Variants in NDUFAF2 observed in about 807,000 individuals in gnomAD.
NDUFAF2 encodes NADH:ubiquinone oxidoreductase complex assembly factor 2.
Under a neutral mutation model 22.8 loss-of-function variants are expected in NDUFAF2, and 13 were observed. That is an observed-to-expected ratio of 0.57 (90% CI 0.37 to 0.91). The LOEUF (loss-of-function observed/expected upper bound fraction) is 0.91. NDUFAF2 is among the 40% of genes least tolerant of loss of function. The pLI is 0.01. For synonymous variants in NDUFAF2, 53 were observed against 64.2 expected, an observed-to-expected ratio of 0.83 and a Z score of 0.84; for missense variants, 162 against 195.2, an observed-to-expected ratio of 0.83 and a Z score of 1.01.
rs375175413 is a variant in NDUFAF2, at chr5:61,091,573, C to A, written c.218-7419C>A. 9.5e-4 allele frequency among the ~76,000 whole-genome samples: 145 copies of A among 152,156 alleles called. 1 individual carries two copies. The highest frequency in any genetic ancestry group is 5.4e-3 in the South Asian group (26 of 4,824). On this transcript the variant is annotated intron_variant, in intron 2 of 3. Coordinates refer to ENST00000296597, the MANE Select transcript of NDUFAF2 (RefSeq NM_174889.5). ...TTTCTTACAGATGCTGAATATTAGACCTTTGTCAGATGCATAGTTGGTAAA... is the reference window on the plus strand; with the variant it reads ...TTTCTTACAGATGCTGAATATTAGAACTTTGTCAGATGCATAGTTGGTAAA...
rs1396699234 is a variant in NDUFAF2, at chr5:61,099,307, G to A, written c.258+275G>A. 4.0e-5 allele frequency among the ~76,000 whole-genome samples: 6 copies of A among 151,442 alleles called. No homozygotes were observed. In the East Asian group the frequency reaches 1.2e-3, roughly 29 times the overall value. Reference sequence around the variant, plus strand: ...TAAAACAAAATTAAAACACTCTGTAGAAAGTCTGAACTTGGAGCAGTTTGC... The same window carrying A: ...TAAAACAAAATTAAAACACTCTGTAAAAAGTCTGAACTTGGAGCAGTTTGC... On this transcript the variant is annotated intron_variant, in intron 3 of 3. Transcript: ENST00000296597.
At chr5:60,993,639 C>T (rs1029255721) in intron 1 of NDUFAF2, among the ~76,000 whole-genome samples, 1 of 152,044 alleles carries the variant, frequency 6.6e-6, no homozygotes, top group Non-Finnish European at 1.5e-5. Context: ...TAGTTCCTCT[C>T]TGCGGGTGGT....
At chr5:61,074,425 A>G (rs1044357041) in intron 2 of NDUFAF2, among the ~76,000 whole-genome samples, 7 of 152,134 alleles carry the variant, frequency 4.6e-5, no homozygotes, top group Admixed American at 3.9e-4. Context: ...CGTCTCTACT[A>G]AAAATACAAA....
Position 61,108,813 on chromosome 5 carries a change from G to A in NDUFAF2, c.258+9781G>A, listed in dbSNP as rs529949700. 4.6e-5 allele frequency among the ~76,000 whole-genome samples: 7 copies of A among 152,142 alleles called. 1 individual carries two copies. The highest frequency in any genetic ancestry group is 1.4e-4 in the African/African-American group (6 of 41,520). The stretch of plus-strand genomic sequence containing the variant: ...CTGGATTCTCTAATCTATTCCATTG[G>A]CCTGTGTGTCTGTTTATATGCCAGT... On this transcript the variant is annotated intron_variant, in intron 3 of 3. Coordinates refer to ENST00000296597, the MANE Select transcript of NDUFAF2 (RefSeq NM_174889.5).
intron 1 of NDUFAF2, among the ~76,000 whole-genome samples, chr5:61,047,278 A>G (rs893423373): frequency 1.3e-5 from 2 of 152,188 alleles, no homozygotes; most frequent in Admixed American, 6.5e-5. Context: ...ATTTCATCCT[A>G]TGATCATATT....
chr5:61,011,699 G>A (rs1008870815), intron 1 of NDUFAF2, among the ~76,000 whole-genome samples: 9 of 151,946 alleles, frequency 5.9e-5, no homozygotes, highest in African/African-American at 2.2e-4. Context: ...CTAAGCAAAC[G>A]TTTCTATTGC....
intron 1 of NDUFAF2, among the ~76,000 whole-genome samples, chr5:61,056,312 T>TATAGTAGATAAACATA (rs1178375636): frequency 2.0e-5 from 3 of 152,210 alleles, no homozygotes; most frequent in Non-Finnish European, 2.9e-5. Flanking sequence ...TATTAGTGAC[T>TATAGTAGATAAACATA]GTAGTGTTTA....
chr5:60,987,966 G>T (rs189521452), intron 1 of NDUFAF2, among the ~76,000 whole-genome samples: 1 of 152,202 alleles, frequency 6.6e-6, no homozygotes, highest in Admixed American at 6.5e-5. Context: ...ACCCAAATAG[G>T]CAAAGAGGAA....
intron 1 of NDUFAF2, among the ~76,000 whole-genome samples, chr5:60,957,335 G>A (rs56306823): frequency 6.6e-6 from 1 of 151,992 alleles, no homozygotes; most frequent in Admixed American, 6.6e-5. Flanking sequence ...AAACATTTCA[G>A]TATGTATCTT....
intron 1 of NDUFAF2, among the ~76,000 whole-genome samples, chr5:60,967,828 C>T (rs1027401157): frequency 6.7e-6 from 1 of 149,596 alleles, no homozygotes; most frequent in Non-Finnish European, 1.5e-5. Context: ...CCCTTTCTGG[C>T]CTTGGTATCT....
At chr5:61,004,847 C>T (rs1751344683) in intron 1 of NDUFAF2, among the ~76,000 whole-genome samples, 1 of 152,096 alleles carries the variant, frequency 6.6e-6, no homozygotes. Context: ...AACTCTTAAT[C>T]CAGCAACTGG....
chr5:61,115,552 T>C (rs540060091), intron 3 of NDUFAF2: 4 of 152,160 alleles, frequency 2.6e-5, no homozygotes, highest in African/African-American at 9.7e-5. Context: ...TCTCCTCTTA[T>C]AGTATTCTTG....
intron 3 of NDUFAF2, among the ~76,000 whole-genome samples, chr5:61,134,598 A>G (rs1740882804): frequency 6.6e-6 from 1 of 152,196 alleles, no homozygotes; most frequent in Admixed American, 6.5e-5. Flanking sequence ...AGGCAGGAGA[A>G]TGGCATGAAC....
At chr5:60,948,612 T>C (rs1361663343) in intron 1 of NDUFAF2, among the ~76,000 whole-genome samples, 1 of 152,086 alleles carries the variant, frequency 6.6e-6, no homozygotes, top group Non-Finnish European at 1.5e-5. Context: ...GATTCATCCA[T>C]GTTTTTGTGT....
intron 1 of NDUFAF2, among the ~76,000 whole-genome samples, chr5:60,947,993 CA>C (rs1197410778): frequency 1.3e-5 from 2 of 151,476 alleles, no homozygotes; most frequent in Non-Finnish European, 2.9e-5. Context: ...GTATAATTGA[CA>C]AAAAAAATTG....
At chr5:61,005,757 T>A (rs1012520022) in intron 1 of NDUFAF2, among the ~76,000 whole-genome samples, 2 of 152,226 alleles carry the variant, frequency 1.3e-5, no homozygotes, top group South Asian at 2.1e-4. Context: ...AAGTGTCTGT[T>A]CATATCGTTT....
chr5:61,044,450 T>A (rs563814160), intron 1 of NDUFAF2, among the ~76,000 whole-genome samples: 9 of 152,356 alleles, frequency 5.9e-5, no homozygotes, highest in African/African-American at 2.2e-4. Context: ...CTTTTTCTTG[T>A]TGTTTGCCTC....
At chr5:61,105,387 A>G (rs1206289423) in intron 3 of NDUFAF2, among the ~76,000 whole-genome samples, 2 of 151,228 alleles carry the variant, frequency 1.3e-5, no homozygotes, top group African/African-American at 4.9e-5. Context: ...ATAGAATCCT[A>G]CTTCCTGATG....
At chr5:60,979,558 A>G (rs1750948566) in intron 1 of NDUFAF2, among the ~76,000 whole-genome samples, 1 of 152,072 alleles carries the variant, frequency 6.6e-6, no homozygotes, top group Non-Finnish European at 1.5e-5. Flanking sequence ...AGTGGTGGCC[A>G]TAGGGTGAGA....
Sources: gnomAD v4.1 joint callset for allele counts (sites outside exome capture counted in the v4.1 genomes callset) on GRCh38, gnomAD v4.1.1 for gene constraint, MANE v1.5 for transcripts, NCBI Gene and HGNC (gene_info 2026-07-23, HGNC 2026-07-21) for gene names.